The following ADAM12 variants were observed in gnomAD, a reference collection of about 807,000 sequenced individuals.
ADAM12 encodes the protein ADAM metallopeptidase domain 12, also known as disintegrin and metalloproteinase domain-containing protein 12.
In ADAM12, 70 loss-of-function variants were observed where a neutral mutation model predicts 106.4. The observed-to-expected ratio is 0.66, with a 90% CI of 0.54 to 0.80. The LOEUF (loss-of-function observed/expected upper bound fraction) is 0.80. Ranked by LOEUF, ADAM12 falls within the 30% of genes least tolerant of loss-of-function variation. The pLI, the probability that ADAM12 is intolerant of heterozygous loss-of-function variation, is 0.00. For missense variants in ADAM12, 1,010 were observed against 1,171.9 expected, an observed-to-expected ratio of 0.86 and a Z score of 2.02; for synonymous variants, 420 against 433.5, an observed-to-expected ratio of 0.97 and a Z score of 0.39.
intron 1 of ADAM12, among the ~76,000 whole-genome samples, 169 bp downstream of exon 1, chr10:126,387,889 T>TGG (rs548403267): frequency 0.016 from 1,318 of 83,170 alleles, 36 homozygotes; most frequent in East Asian, 0.054. Context: ...AATTGGCACC[T>TGG]GGGGGGGGGG....
Position 126,226,137 on chromosome 10 carries a change from G to A in ADAM12, c.260+52778C>T, listed in dbSNP as rs547671407. Among the ~76,000 whole-genome samples, 69 of 138,226 alleles carry A rather than the reference G, an allele frequency of 5.0e-4. 1 individual carries two copies. In the South Asian group the frequency reaches 7.6e-3, roughly 15 times the overall value. 90.7% of individuals were successfully genotyped at this position (138,226 alleles called of 152,430 possible). On this transcript the variant is annotated intron_variant, in intron 3 of 22. Coordinates refer to ENST00000448723, the MANE Select transcript of ADAM12 (RefSeq NM_001288973.2). Reference sequence around the variant, plus strand: ...ATGGTACAGATGGGTTAAAGGTGACGGCCCAGCAATGAAACCGGGTGCTCT... The same window carrying A: ...ATGGTACAGATGGGTTAAAGGTGACAGCCCAGCAATGAAACCGGGTGCTCT...
At position 126,118,128 on chromosome 10, in the gene ADAM12, G is replaced by A. The variant is rs755139050; in HGVS notation, c.513C>T (p.Ser171=). 6.8e-6 allele frequency: 11 copies of A among 1,614,010 alleles called. No individual in the cohort carries two copies. In the East Asian group the frequency reaches 8.9e-5, roughly 13 times the overall value. The change falls in exon 6 of 23, where the codon AGC becomes AGT. Residue 171 remains serine, a synonymous_variant. Transcript: ENST00000448723. ...YKLFPAKKLK[S]VRGSCGSHHN... Reference sequence around the variant, plus strand: ...GATGTGATCCACATGATCCCCGGACGCTTTTCAGCTTCTTCGCTGGGAAGA... The same window carrying A: ...GATGTGATCCACATGATCCCCGGACACTTTTCAGCTTCTTCGCTGGGAAGA...
chr10:126,156,321 C>T (rs143080692), intron 3 of ADAM12, among the ~76,000 whole-genome samples: 283 of 152,260 alleles, frequency 1.9e-3, no homozygotes, highest in African/African-American at 6.2e-3. Context: ...CTAAGTCAAA[C>T]GGAAACACTT....
At chr10:126,086,016 G>A (rs1423497095) in intron 11 of ADAM12, among the ~76,000 whole-genome samples, 1 of 152,202 alleles carries the variant, frequency 6.6e-6, no homozygotes, top group African/African-American at 2.4e-5. Flanking sequence ...GTGTGGGAGG[G>A]GGATTGCAGG....
At chr10:126,181,464 A>C (rs988165619) in intron 3 of ADAM12, among the ~76,000 whole-genome samples, 7 of 152,234 alleles carry the variant, frequency 4.6e-5, no homozygotes, top group Admixed American at 2.0e-4. Flanking sequence ...TATATATTAC[A>C]TGATACCATG....
chr10:126,156,590 G>A (rs1956819814), intron 3 of ADAM12, among the ~76,000 whole-genome samples: 1 of 152,178 alleles, frequency 6.6e-6, no homozygotes, highest in Admixed American at 6.5e-5. Context: ...TCCTTGTTTT[G>A]TTTGTGCATT....
At chr10:126,035,328 TTC>T (rs1479944171) in intron 21 of ADAM12, among the ~76,000 whole-genome samples, 1 of 152,142 alleles carries the variant, frequency 6.6e-6, no homozygotes, top group Non-Finnish European at 1.5e-5. Context: ...CTCTAGAACT[TTC>T]TAACAGCAAA....
intron 3 of ADAM12, among the ~76,000 whole-genome samples, chr10:126,172,302 A>G (rs1957133315): frequency 6.6e-6 from 1 of 152,186 alleles, no homozygotes; most frequent in South Asian, 2.1e-4. Context: ...AATGGGTCAG[A>G]GCATTGTTTG....
intron 6 of ADAM12, among the ~76,000 whole-genome samples, chr10:126,110,176 G>A (rs1333796966): frequency 1.3e-5 from 2 of 152,166 alleles, no homozygotes; most frequent in East Asian, 3.9e-4. Context: ...TCTAGAACAG[G>A]AGCCAGTCAA....
At position 126,170,195 on chromosome 10, in the gene ADAM12, G is replaced by A. The variant is rs117127544; in HGVS notation, c.261-14890C>T. Among the ~76,000 whole-genome samples, 553 of 152,280 alleles carry A rather than the reference G, an allele frequency of 3.6e-3. 19 individuals are homozygous for A. In the East Asian group the frequency reaches 0.07, roughly 19 times the overall value. Reference sequence around the variant, plus strand: ...AATTGACCTACATTGAACCAAACCCGTAGAATGTGTGTTAGATCAAATTTG... The same window carrying A: ...AATTGACCTACATTGAACCAAACCCATAGAATGTGTGTTAGATCAAATTTG... On this transcript the variant is annotated intron_variant, in intron 3 of 22. Coordinates refer to ENST00000448723, the MANE Select transcript of ADAM12 (RefSeq NM_001288973.2).
chr10:126,343,951 T>C (rs1482770268), intron 1 of ADAM12, among the ~76,000 whole-genome samples: 1 of 152,210 alleles, frequency 6.6e-6, no homozygotes, highest in East Asian at 1.9e-4. Flanking sequence ...ATTGCAAAAA[T>C]TTTCTCCCAT....
At chr10:126,123,415 G>A (rs1433983701) in intron 5 of ADAM12, among the ~76,000 whole-genome samples, 1 of 152,232 alleles carries the variant, frequency 6.6e-6, no homozygotes, top group Non-Finnish European at 1.5e-5. Context: ...GAAAAGATGA[G>A]AAGAAAGTCT....
At chr10:126,041,649 T>C (rs1471867140) in intron 18 of ADAM12, 4 of 988,418 alleles carry the variant, frequency 4.0e-6, no homozygotes, top group Non-Finnish European at 4.8e-6. Flanking sequence ...AAAACCCTGC[T>C]ATTTTCATAT....
intron 3 of ADAM12, among the ~76,000 whole-genome samples, chr10:126,183,537 A>C (rs1957350825): frequency 1.3e-5 from 2 of 152,272 alleles, no homozygotes; most frequent in Admixed American, 1.3e-4. Flanking sequence ...TGAAACAGCC[A>C]TCTGGGGCAA....
chr10:126,241,564 T>C (rs1958524254), intron 3 of ADAM12, among the ~76,000 whole-genome samples: 1 of 152,188 alleles, frequency 6.6e-6, no homozygotes, highest in Non-Finnish European at 1.5e-5. Context: ...ATTGGGCCAA[T>C]GTTCAATTTT....
intron 5 of ADAM12, among the ~76,000 whole-genome samples, chr10:126,123,718 G>T (rs1956152754): frequency 6.6e-6 from 1 of 152,162 alleles, no homozygotes. Flanking sequence ...CCCGGGCTTG[G>T]GCCTCTCAAC....
rs1209405480 is a variant in ADAM12, at chr10:126,039,888, C to T, written c.2105-459G>A. On this transcript the variant is annotated intron_variant, in intron 18 of 22. Transcript: ENST00000448723. ...AGTTGGGTTCTGCTTTATCTCTTTT[C>T]GTGTTTTTAAAAAATGAATTGCTTT... Among the ~76,000 whole-genome samples the T allele has an allele frequency of 7.9e-5, 12 of 152,264 alleles. No homozygotes were observed. The East Asian group carries it at 1.3e-3, about 17-fold the overall frequency.
At chr10:126,372,624 A>G (rs538700313) in intron 1 of ADAM12, among the ~76,000 whole-genome samples, 3 of 152,316 alleles carry the variant, frequency 2.0e-5, no homozygotes, top group African/African-American at 7.2e-5. Flanking sequence ...AGCTGAAGAA[A>G]TCTCATTATT....
rs1161596983 is a variant in ADAM12 at position 126,049,103 on chromosome 10, T to A, written c.1917+150A>T. 3.8e-6 allele frequency: 4 copies of A among 1,044,454 alleles called. No homozygotes were observed. The highest frequency in any genetic ancestry group is 5.7e-6 in the Non-Finnish European group (4 of 705,158). The allele number at this position is 1,044,454 out of a possible 1,614,324, so 64.7% of individuals were successfully genotyped here. The stretch of plus-strand genomic sequence containing the variant: ...CTGCATTTTAATAGTCAGACCAGGA[T>A]CTAGGATTTATTGACTTTTTCTTCT... On this transcript the variant is annotated intron_variant, in intron 16 of 22. Transcript: ENST00000448723. The surrounding 1 kb of genome is among the most constrained non-coding windows in gnomAD (Gnocchi z 4.4).
Sources: allele counts gnomAD v4.1 joint callset (sites outside exome capture counted in the v4.1 genomes callset), GRCh38; gene constraint gnomAD v4.1.1; non-coding constraint Gnocchi (gnomAD v3.1); transcripts MANE v1.5; gene names NCBI Gene and HGNC (gene_info 2026-07-23, HGNC 2026-07-21).